The following PCCA variants were observed in gnomAD, a reference collection of about 807,000 sequenced individuals.
The protein encoded by PCCA is propionyl-CoA carboxylase alpha chain, mitochondrial.
A neutral mutation model predicts 101.3 loss-of-function variants in PCCA; 74 were observed. That is an observed-to-expected ratio of 0.73 (90% CI 0.61 to 0.89). The LOEUF (loss-of-function observed/expected upper bound fraction) is 0.89. PCCA is among the 40% of genes least tolerant of loss of function. The pLI is 0.00. For synonymous variants in PCCA, 294 were observed against 313.6 expected (o/e 0.94, Z 0.66); for missense variants, 891 against 907.0 (o/e 0.98, Z 0.23).
chr13:100,320,018 G>T (rs1336127960), intron 16 of PCCA, among the ~76,000 whole-genome samples: 2 of 152,128 alleles, frequency 1.3e-5, no homozygotes, highest in African/African-American at 4.8e-5. Flanking sequence ...GTGTTTTGTA[G>T]TTCTGTTTGA....
chr13:100,175,540 G>A (rs1324961744), intron 6 of PCCA, among the ~76,000 whole-genome samples: 1 of 152,200 alleles, frequency 6.6e-6, no homozygotes, highest in East Asian at 1.9e-4. Flanking sequence ...TAAGTGAAAA[G>A]GTTGCAGTCA....
intron 19 of PCCA, among the ~76,000 whole-genome samples, chr13:100,396,633 A>G (rs1415191262): frequency 1.3e-5 from 2 of 152,090 alleles, no homozygotes; most frequent in Admixed American, 6.5e-5. Flanking sequence ...CAATATAGAA[A>G]CCTCTTATCT....
intron 19 of PCCA, among the ~76,000 whole-genome samples, chr13:100,379,447 T>C (rs896564648): frequency 1.3e-5 from 2 of 152,140 alleles, no homozygotes; most frequent in African/African-American, 2.4e-5. Flanking sequence ...AAACAAACCA[T>C]TGAAAAAAGA....
At chr13:100,317,290 G>A (rs759467593) in intron 16 of PCCA, among the ~76,000 whole-genome samples, 7 of 151,952 alleles carry the variant, frequency 4.6e-5, no homozygotes, top group Non-Finnish European at 8.8e-5. Context: ...ATATATGAGC[G>A]ATTTGCATAT....
chr13:100,275,369 T>C (rs1194573116), intron 12 of PCCA, among the ~76,000 whole-genome samples: 2 of 152,154 alleles, frequency 1.3e-5, no homozygotes, highest in African/African-American at 4.8e-5. Flanking sequence ...GTGAGTTCAG[T>C]AGTGGCCCTG....
chr13:100,281,289 G>C (rs771981036), intron 12 of PCCA, among the ~76,000 whole-genome samples: 1 of 152,120 alleles, frequency 6.6e-6, no homozygotes, highest in Non-Finnish European at 1.5e-5. Context: ...TTGTGAAGAA[G>C]GAAAAGAAAT....
At chr13:100,372,626 C>T (rs571319307) in intron 19 of PCCA, among the ~76,000 whole-genome samples, 7 of 152,262 alleles carry the variant, frequency 4.6e-5, no homozygotes, top group Admixed American at 3.3e-4. Flanking sequence ...GGGTTGCCTT[C>T]TTACTCTGTT....
At chr13:100,247,064 A>G (rs1229481794) in intron 8 of PCCA, among the ~76,000 whole-genome samples, 2 of 151,782 alleles carry the variant, frequency 1.3e-5, no homozygotes, top group Admixed American at 1.3e-4. Flanking sequence ...ACCCACCACC[A>G]TGCCCGACCA....
chr13:100,527,278 C>T (rs552493799), intron 22 of PCCA: 4 of 473,504 alleles, frequency 8.4e-6, no homozygotes, highest in Non-Finnish European at 1.7e-5. Flanking sequence ...AGTGACTCCC[C>T]TTCCCTCTTC....
At chr13:100,483,254 G>GA (rs796889153) in intron 21 of PCCA, among the ~76,000 whole-genome samples, 2,744 of 143,736 alleles carry the variant, frequency 0.019, 47 homozygotes, top group African/African-American at 0.047. Flanking sequence ...GCCTTTCAGG[G>GA]AAAAAAAAAA....
intron 21 of PCCA, among the ~76,000 whole-genome samples, chr13:100,451,553 C>G (rs910238717): frequency 6.6e-6 from 1 of 152,118 alleles, no homozygotes; most frequent in African/African-American, 2.4e-5. Flanking sequence ...TACTTAGCAT[C>G]TCTACTGGGT....
chr13:100,354,849 G>A (rs1014457284), intron 18 of PCCA, among the ~76,000 whole-genome samples: 4 of 152,224 alleles, frequency 2.6e-5, no homozygotes, highest in East Asian at 1.9e-4. Flanking sequence ...GGAACTAATC[G>A]TTGCAAAACT....
intron 18 of PCCA, among the ~76,000 whole-genome samples, chr13:100,345,080 A>T (rs1233905141): frequency 3.3e-5 from 5 of 152,206 alleles, no homozygotes; most frequent in Admixed American, 3.3e-4. Flanking sequence ...ATTCCCTGAG[A>T]TAAAGTAATA....
intron 6 of PCCA, among the ~76,000 whole-genome samples, chr13:100,207,911 G>C (rs1289418360): frequency 2.0e-5 from 3 of 151,764 alleles, no homozygotes; most frequent in Admixed American, 2.0e-4. Flanking sequence ...CCAGCTACTC[G>C]GGAGGCTGAG....
At chr13:100,503,363 G>A (rs1487937697) in intron 21 of PCCA, among the ~76,000 whole-genome samples, 1 of 152,128 alleles carries the variant, frequency 6.6e-6, no homozygotes, top group Non-Finnish European at 1.5e-5. Context: ...GGTGGCGCGT[G>A]CCTGTAATCC....
intron 17 of PCCA, among the ~76,000 whole-genome samples, chr13:100,338,557 A>G (rs1321811438): frequency 6.6e-6 from 1 of 152,036 alleles, no homozygotes; most frequent in Non-Finnish European, 1.5e-5. Flanking sequence ...GTATGTTTTG[A>G]CAAGACTGAG....
At position 100,482,742 on chromosome 13, in the gene PCCA, C is replaced by T. The variant is rs550169178; in HGVS notation, c.1900-32685C>T. On this transcript the variant is annotated intron_variant, in intron 21 of 23. Transcript: ENST00000376285. ...TTGCTGGGATTACAGGTGCATGCCA[C>T]GGGTGCAGTGGCTCACGCCTGTAAT... Among the ~76,000 whole-genome samples the T allele has an allele frequency of 4.8e-3, 728 of 152,232 alleles. 5 individuals are homozygous for T. The highest frequency in any genetic ancestry group is 6.2e-3 in the Non-Finnish European group (423 of 67,998).
At chr13:100,454,526 A>G (rs538059907) in intron 21 of PCCA, among the ~76,000 whole-genome samples, 48 of 152,372 alleles carry the variant, frequency 3.2e-4, no homozygotes, top group Non-Finnish European at 6.3e-4. Flanking sequence ...GCTTCAGTCA[A>G]AGATGTCTAA....
chr13:100,508,106 C>T (rs2086217019), intron 21 of PCCA, among the ~76,000 whole-genome samples: 1 of 152,058 alleles, frequency 6.6e-6, no homozygotes, highest in Non-Finnish European at 1.5e-5. Flanking sequence ...TTGACAACCC[C>T]ATATTCTTCC....
Sources: gnomAD v4.1 joint callset for allele counts (sites outside exome capture counted in the v4.1 genomes callset) on GRCh38, gnomAD v4.1.1 for gene constraint, MANE v1.5 for transcripts, NCBI Gene and HGNC (gene_info 2026-07-23, HGNC 2026-07-21) for gene names.